Variants in CDC42SE2 observed in about 807,000 individuals in gnomAD.
The protein encoded by CDC42SE2 is CDC42 small effector 2.
CDC42SE2 carries 3 observed loss-of-function variants against 11.5 expected under a neutral mutation model. The observed-to-expected ratio is 0.26, with a 90% CI of 0.12 to 0.67. The LOEUF (loss-of-function observed/expected upper bound fraction) is 0.67, where lower values mean the gene tolerates loss of function less well. CDC42SE2 is among the 30% of genes least tolerant of loss of function. The probability of loss-of-function intolerance (pLI) is 0.80; values close to 1 mark genes in which losing one functional copy is unlikely to be tolerated. For synonymous variants in CDC42SE2, 33 were observed against 34.8 expected, an observed-to-expected ratio of 0.95 and a Z score of 0.18; for missense variants, 82 against 106.8, an observed-to-expected ratio of 0.77 and a Z score of 1.02.
intron 1 of CDC42SE2, among the ~76,000 whole-genome samples, chr5:131,250,398 T>C (rs1167721733): frequency 6.6e-6 from 1 of 152,200 alleles, no homozygotes; most frequent in African/African-American, 2.4e-5. Flanking sequence ...GAAACAACAA[T>C]TTCAGAATGA....
intron 1 of CDC42SE2, among the ~76,000 whole-genome samples, chr5:131,298,063 G>T (rs1203181353): frequency 1.3e-5 from 2 of 151,772 alleles, no homozygotes; most frequent in Non-Finnish European, 2.9e-5. Context: ...TGTTAGAGTG[G>T]GTTAGAGTAA....
At chr5:131,279,401 G>A (rs1338363976) in intron 1 of CDC42SE2, among the ~76,000 whole-genome samples, 2 of 151,556 alleles carry the variant, frequency 1.3e-5, no homozygotes, top group Admixed American at 6.6e-5. Context: ...TACTTTTCTG[G>A]TCAAGAAAGC....
upstream of CDC42SE2, among the ~76,000 whole-genome samples, chr5:131,240,588 A>G (rs552344154): frequency 6.6e-6 from 1 of 152,300 alleles, no homozygotes; most frequent in South Asian, 2.1e-4. Context: ...TGAGATCATC[A>G]CAGAATAAGT....
At chr5:131,320,728 G>C (rs565019322) in intron 2 of CDC42SE2, among the ~76,000 whole-genome samples, 1 of 152,168 alleles carries the variant, frequency 6.6e-6, no homozygotes, top group African/African-American at 2.4e-5. Context: ...GCGACAGAGC[G>C]AGACTCTGTC....
chr5:131,320,243 T>A (rs1758158268), intron 2 of CDC42SE2, among the ~76,000 whole-genome samples: 1 of 147,462 alleles, frequency 6.8e-6, no homozygotes, highest in Non-Finnish European at 1.5e-5. Context: ...AAAAAAAAAT[T>A]AAGTCAGGCG....
At chr5:131,290,486 G>GTTTT (rs532593648) in intron 1 of CDC42SE2, among the ~76,000 whole-genome samples, 3 of 103,116 alleles carry the variant, frequency 2.9e-5, no homozygotes, top group Admixed American at 1.0e-4. Context: ...TTTTTTTTTT[G>GTTTT]TTTTTTTTTT....
chr5:131,297,116 G>T (rs889521852), intron 1 of CDC42SE2, among the ~76,000 whole-genome samples: 4 of 150,658 alleles, frequency 2.7e-5, no homozygotes, highest in African/African-American at 9.7e-5. Context: ...TTTTATAAAA[G>T]TCATAGGAAA....
Position 131,393,230 on chromosome 5 carries a change from T to A in CDC42SE2, c.*2139T>A, listed in dbSNP as rs1271753462. 1 of 152,396 alleles carries A rather than the reference T, an allele frequency of 6.6e-6. No homozygotes were observed. The highest frequency in any genetic ancestry group is 1.5e-5 in the Non-Finnish European group (1 of 68,052). 9.4% of individuals were successfully genotyped at this position (152,396 alleles called of 1,614,324 possible). A position where few individuals can be genotyped will look rare whatever the true frequency, so the allele number is the denominator to read the frequency against. Reference sequence around the variant, plus strand: ...AACAGGGATCACTTTATCTTCTGCCTTCATTTACCTTAGTCCAAGATTCTT... The same window carrying A: ...AACAGGGATCACTTTATCTTCTGCCATCATTTACCTTAGTCCAAGATTCTT... On this transcript the variant is annotated 3_prime_UTR_variant, in exon 5 of 5. Transcript: ENST00000505065.
rs992213492 is a variant in CDC42SE2 at position 131,380,982 on chromosome 5, G to A, written c.55-4561G>A. Among the ~76,000 whole-genome samples the A allele has an allele frequency of 3.3e-5, 5 of 152,246 alleles. No individual in the cohort carries two copies. In the South Asian group the frequency reaches 6.2e-4, roughly 19 times the overall value. Reference sequence around the variant, plus strand: ...CTTGATATTGCTGAATCCATTGCACGTATTTGTCTTTAATTGACCTCTCAC... The same window carrying A: ...CTTGATATTGCTGAATCCATTGCACATATTTGTCTTTAATTGACCTCTCAC... On this transcript the variant is annotated intron_variant, in intron 3 of 4. Transcript: ENST00000505065.
At chr5:131,383,075 G>C (rs929734617) in intron 3 of CDC42SE2, among the ~76,000 whole-genome samples, 2 of 152,160 alleles carry the variant, frequency 1.3e-5, no homozygotes, top group African/African-American at 4.8e-5. Flanking sequence ...GAATGGGGTG[G>C]TTGGAAATAG....
chr5:131,226,509 G>A, the CDC42SE2 span, among the ~76,000 whole-genome samples: 1 of 152,188 alleles, frequency 6.6e-6, no homozygotes, highest in African/African-American at 2.4e-5. Context: ...CCCTAAAGGG[G>A]CCTGCAGTCA....
intron 1 of CDC42SE2, among the ~76,000 whole-genome samples, chr5:131,300,375 G>C (rs1757654050): frequency 6.6e-6 from 1 of 152,078 alleles, no homozygotes; most frequent in South Asian, 2.1e-4. Flanking sequence ...AAGGGAATAA[G>C]AGAACAAAGA....
chr5:131,324,337 TTA>T (rs1266465184), intron 2 of CDC42SE2, among the ~76,000 whole-genome samples: 1 of 152,188 alleles, frequency 6.6e-6, no homozygotes, highest in South Asian at 2.1e-4. Context: ...GCTGTCTTCA[TTA>T]TATTTGGTGT....
chr5:131,351,145 C>T (rs1758999893), intron 2 of CDC42SE2, among the ~76,000 whole-genome samples: 1 of 151,918 alleles, frequency 6.6e-6, no homozygotes, highest in South Asian at 2.1e-4. Flanking sequence ...CGGGACTTTG[C>T]TGCCCAGTTG....
At chr5:131,328,980 C>T (rs1758354965) in intron 2 of CDC42SE2, among the ~76,000 whole-genome samples, 1 of 152,230 alleles carries the variant, frequency 6.6e-6, no homozygotes, top group East Asian at 1.9e-4. Flanking sequence ...TTATAACTCA[C>T]TACCAGCCCT....
chr5:131,215,656 G>T, the CDC42SE2 span, among the ~76,000 whole-genome samples: 5 of 152,154 alleles, frequency 3.3e-5, no homozygotes, highest in Non-Finnish European at 7.4e-5. Context: ...TGTTGTCTGA[G>T]AACAGAGTTC....
At chr5:131,228,772 A>C in the CDC42SE2 span, among the ~76,000 whole-genome samples, 152 of 152,290 alleles carry the variant, frequency 1.0e-3, 1 homozygote, top group African/African-American at 3.5e-3. Context: ...TGGGTTTATA[A>C]GAAGAAACAA....
At position 131,394,467 on chromosome 5, in the gene CDC42SE2, CATT is replaced by C. The variant is rs1750792448; in HGVS notation, c.*3379_*3381del. 1 of 152,286 alleles carries C rather than the reference CATT, an allele frequency of 6.6e-6. No individual in the cohort carries two copies. Among genetic ancestry groups the C allele is most frequent in the Non-Finnish European group, 1.5e-5 (1 of 68,034 alleles). 9.4% of individuals were successfully genotyped at this position (152,286 alleles called of 1,614,324 possible). ...CTTTGTTGTTAAATTATAGCAGACT[CATT>C]ATAGAGAACAAGTTTGCCTTGATTT... On this transcript the variant is annotated 3_prime_UTR_variant, in exon 5 of 5. Transcript: ENST00000505065.
At chr5:131,249,272 C>T (rs1054819392) in intron 1 of CDC42SE2, among the ~76,000 whole-genome samples, 1 of 151,578 alleles carries the variant, frequency 6.6e-6, no homozygotes, top group African/African-American at 2.4e-5. Context: ...CCCACCTCAG[C>T]CTTCCAAAGC....
Sources: gnomAD v4.1 joint callset for allele counts (sites outside exome capture counted in the v4.1 genomes callset) on GRCh38, gnomAD v4.1.1 for gene constraint, MANE v1.5 for transcripts, NCBI Gene and HGNC (gene_info 2026-07-23, HGNC 2026-07-21) for gene names.